The following ASIC2 variants were observed in gnomAD, a reference collection of about 807,000 sequenced individuals.
ASIC2 encodes acid-sensing ion channel 2.
ASIC2 carries 25 observed loss-of-function variants against 57.3 expected under a neutral mutation model. The observed-to-expected ratio is 0.44, with a 90% confidence interval of 0.32 to 0.61. The LOEUF is 0.61. Ranked by LOEUF, ASIC2 falls within the 20% of genes least tolerant of loss-of-function variation. The pLI is 0.06. For missense variants in ASIC2, 641 were observed against 738.1 expected (o/e 0.87, Z 1.52); for synonymous variants, 319 against 307.5 (o/e 1.04, Z -0.39).
intron 1 of ASIC2, among the ~76,000 whole-genome samples, chr17:33,987,823 A>G (rs1413526698): frequency 6.6e-6 from 1 of 152,240 alleles, no homozygotes; most frequent in African/African-American, 2.4e-5. Context: ...CATTAGGCTC[A>G]AGAAATAACA....
At chr17:33,845,595 C>T (rs529125872) in intron 1 of ASIC2, among the ~76,000 whole-genome samples, 25 of 152,046 alleles carry the variant, frequency 1.6e-4, no homozygotes, top group Admixed American at 5.2e-4. Context: ...TGAGAAATGG[C>T]GATAATGGAG....
At chr17:33,076,528 C>T (rs775641953) in intron 3 of ASIC2, among the ~76,000 whole-genome samples, 2 of 152,232 alleles carry the variant, frequency 1.3e-5, no homozygotes, top group Admixed American at 6.5e-5. Context: ...AATCTTCCTG[C>T]ACACTCAATT....
At position 33,243,695 on chromosome 17, in the gene ASIC2, A is replaced by G. The variant is rs146381978; in HGVS notation, c.708+47713T>C. Among the ~76,000 whole-genome samples, 672 of 152,384 alleles carry G rather than the reference A, an allele frequency of 4.4e-3. 5 individuals are homozygous for G. The highest frequency in any genetic ancestry group is 0.01 in the Middle Eastern group (3 of 294). ...TCTTTGAAGACGTGAATATAAAAAC[A>G]GGACCCATTCTTGCTATGATCAAAT... On this transcript the variant is annotated intron_variant, in intron 1 of 9. Transcript: ENST00000225823.
intron 1 of ASIC2, among the ~76,000 whole-genome samples, chr17:33,348,763 G>T (rs556278891): frequency 9.2e-5 from 14 of 152,062 alleles, no homozygotes; most frequent in Non-Finnish European, 1.2e-4. Flanking sequence ...GTTCAAGCTG[G>T]TCTCTTCTCT....
chr17:33,328,153 C>T (rs368166365), intron 1 of ASIC2, among the ~76,000 whole-genome samples: 216 of 13,170 alleles, frequency 0.016, 2 homozygotes, highest in African/African-American at 0.05. Context: ...TACAGCAGCT[C>T]TACTAGGAAA....
rs1258618478 is a variant in ASIC2 at position 33,401,317 on chromosome 17, C to T, written c.556-289250G>A. Among the ~76,000 whole-genome samples the T allele has an allele frequency of 2.0e-5, 3 of 152,200 alleles. No homozygotes were observed. In the East Asian group the frequency reaches 5.8e-4, roughly 29 times the overall value. ...CCATCTGTAATCTACCTCCCTAATT[C>T]CTTTCTCCCCCTCTTCCCTCTCTGA... On this transcript the variant is annotated intron_variant, in intron 1 of 9. Transcript: ENST00000359872.
At chr17:33,479,290 C>T (rs1000349915) in intron 1 of ASIC2, among the ~76,000 whole-genome samples, 10 of 152,110 alleles carry the variant, frequency 6.6e-5, no homozygotes, top group African/African-American at 1.2e-4. Context: ...TGAGCCACCA[C>T]GTCCGGCCCC....
intron 1 of ASIC2, among the ~76,000 whole-genome samples, chr17:33,304,337 C>CAAA (rs1906083605): frequency 1.3e-5 from 2 of 152,210 alleles, no homozygotes; most frequent in African/African-American, 4.8e-5. Flanking sequence ...CAAATAGGTT[C>CAAA]TTTGGGTAAA....
At chr17:34,007,192 G>A (rs1906556506) in intron 1 of ASIC2, among the ~76,000 whole-genome samples, 1 of 152,196 alleles carries the variant, frequency 6.6e-6, no homozygotes, top group African/African-American at 2.4e-5. Context: ...CGATTTTAGA[G>A]CTCAAGTCTC....
chr17:33,492,315 G>C (rs552302770), intron 1 of ASIC2, among the ~76,000 whole-genome samples: 23 of 152,174 alleles, frequency 1.5e-4, no homozygotes, highest in Non-Finnish European at 2.6e-4. Flanking sequence ...GGGTCCTGGT[G>C]CTGCTACTCA....
intron 1 of ASIC2, among the ~76,000 whole-genome samples, chr17:33,457,176 G>A (rs757296582): frequency 2.6e-5 from 4 of 151,838 alleles, no homozygotes; most frequent in South Asian, 4.2e-4. Flanking sequence ...CTTAATAAAT[G>A]TTAGCTATTT....
chr17:34,059,877 C>T (rs184251189), intron 1 of ASIC2, among the ~76,000 whole-genome samples: 27 of 152,310 alleles, frequency 1.8e-4, no homozygotes, highest in Admixed American at 1.8e-3. Context: ...CAGGCCTAGC[C>T]ACGCCCCCAC....
At chr17:33,067,640 T>A (rs1374712915) in intron 3 of ASIC2, among the ~76,000 whole-genome samples, 1 of 152,144 alleles carries the variant, frequency 6.6e-6, no homozygotes, top group Non-Finnish European at 1.5e-5. Context: ...ACCAAGGGTG[T>A]CTAAGTGAGG....
At chr17:33,070,114 T>A (rs180709266) in intron 3 of ASIC2, among the ~76,000 whole-genome samples, 179 of 152,316 alleles carry the variant, frequency 1.2e-3, no homozygotes, top group Middle Eastern at 3.4e-3. Context: ...GTATAGCACT[T>A]CAGGCAGAGT....
At chr17:33,938,373 A>G (rs1417370160) in intron 1 of ASIC2, among the ~76,000 whole-genome samples, 3 of 152,070 alleles carry the variant, frequency 2.0e-5, no homozygotes, top group African/African-American at 7.2e-5. Context: ...TGTTTCCACC[A>G]TGGCTAGACT....
In ASIC2 at chr17:33,426,292, G is replaced by A. The variant is rs1911217565; in HGVS notation, c.556-314225C>T. 2.0e-5 allele frequency among the ~76,000 whole-genome samples: 3 copies of A among 152,116 alleles called. No individual in the cohort carries two copies. In the South Asian group the frequency reaches 6.2e-4, roughly 32 times the overall value. On this transcript the variant is annotated intron_variant, in intron 1 of 9. Coordinates refer to the ASIC2 transcript ENST00000359872. ...AGGCTGCCTGGCAGCATCCTCAAAG[G>A]CCAGATGGGAACTCATACGACCATT...
chr17:33,512,951 C>T (rs1158988997), intron 1 of ASIC2, among the ~76,000 whole-genome samples: 1 of 152,220 alleles, frequency 6.6e-6, no homozygotes, highest in African/African-American at 2.4e-5. Context: ...AGGGAAGTGA[C>T]TTGGCCAAGG....
chr17:33,656,653 A>T (rs1181791752), intron 1 of ASIC2, among the ~76,000 whole-genome samples: 2 of 152,192 alleles, frequency 1.3e-5, no homozygotes, highest in Non-Finnish European at 2.9e-5. Context: ...CTTTTCCTCC[A>T]GGAAGGCCTC....
chr17:34,099,160 GAGAGAAAGAAAGAA>G (rs1239894847), intron 1 of ASIC2, among the ~76,000 whole-genome samples: 6 of 5,382 alleles, frequency 1.1e-3, no homozygotes, highest in East Asian at 1.9e-3. Flanking sequence ...GAGAGAGAGA[GAGAGAAAGAAAGAA>G]AGAAAGAAAG....
Sources: gnomAD v4.1 joint callset for allele counts (sites outside exome capture counted in the v4.1 genomes callset) on GRCh38, gnomAD v4.1.1 for gene constraint, MANE v1.5 for transcripts, NCBI Gene and HGNC (gene_info 2026-07-23, HGNC 2026-07-21) for gene names.